The following BRINP1 variants were observed in gnomAD, a reference collection of about 807,000 sequenced individuals.
The protein encoded by BRINP1 is BMP/retinoic acid inducible neural specific 1, also known as BMP/retinoic acid-inducible neural-specific protein 1.
BRINP1 carries 17 observed loss-of-function variants against 72.9 expected under a neutral mutation model. The ratio of observed to expected loss-of-function variants is 0.23; its 90% CI spans 0.16 to 0.35. BRINP1 has a LOEUF of 0.35. BRINP1 is among the 10% of genes least tolerant of loss of function. The pLI is 1.00. For synonymous variants in BRINP1, 418 were observed against 378.5 expected, an observed-to-expected ratio of 1.10 and a Z score of -1.21; for missense variants, 850 against 1,001.6, an observed-to-expected ratio of 0.85 and a Z score of 2.04.
intron 3 of BRINP1, among the ~76,000 whole-genome samples, chr9:119,246,928 C>T (rs1012816802): frequency 6.6e-6 from 1 of 152,196 alleles, no homozygotes; most frequent in Non-Finnish European, 1.5e-5. Flanking sequence ...CAATCCAAAG[C>T]TTTGCATATT....
intron 2 of BRINP1, among the ~76,000 whole-genome samples, chr9:119,291,515 G>A (rs1364523053): frequency 2.6e-5 from 4 of 152,134 alleles, no homozygotes; most frequent in African/African-American, 9.7e-5. Context: ...CTGTCTTCCA[G>A]TAACCACCAC....
intron 7 of BRINP1, among the ~76,000 whole-genome samples, chr9:119,178,298 G>GAGAC (rs1829511766): frequency 1.3e-5 from 2 of 152,192 alleles, no homozygotes; most frequent in South Asian, 4.1e-4. Flanking sequence ...GCCAACTGCA[G>GAGAC]AGACAGTGGG....
Position 119,202,925 on chromosome 9 carries a change from G to A in BRINP1, c.1145+5794C>T, listed in dbSNP as rs1360912087. 2.6e-5 allele frequency among the ~76,000 whole-genome samples: 4 copies of A among 152,078 alleles called. No individual in the cohort carries two copies. The East Asian group carries it at 7.7e-4, about 29-fold the overall frequency. On this transcript the variant is annotated intron_variant, in intron 7 of 7. Transcript: ENST00000265922. The stretch of plus-strand genomic sequence containing the variant: ...CTTTCAGGAAATGTATGCTGAGTTG[G>A]ACTGCACTGAACCAGGCCTCTTCTG...
At chr9:119,221,667 C>T (rs575542903) in intron 5 of BRINP1, among the ~76,000 whole-genome samples, 15 of 152,186 alleles carry the variant, frequency 9.9e-5, no homozygotes, top group African/African-American at 3.4e-4. Context: ...GGAAATGTCC[C>T]CTCCTGGTTA....
At chr9:119,313,503 A>G in intron 1 of BRINP1, 98 bp from the exon 2 acceptor site, 2 of 1,118,966 alleles carry the variant, frequency 1.8e-6, no homozygotes, top group African/African-American at 3.2e-5. Flanking sequence ...ACAGGAAAAG[A>G]AAAAATGTGA....
At chr9:119,187,020 C>T (rs369583058) in intron 7 of BRINP1, among the ~76,000 whole-genome samples, 6 of 152,002 alleles carry the variant, frequency 3.9e-5, no homozygotes, top group South Asian at 2.1e-4. Flanking sequence ...CTCTTCCTTC[C>T]GGGAGCCATA....
chr9:119,246,608 C>T (rs576193066), intron 3 of BRINP1, among the ~76,000 whole-genome samples: 1 of 152,236 alleles, frequency 6.6e-6, no homozygotes, highest in East Asian at 1.9e-4. Flanking sequence ...TGTAGAGAAC[C>T]CTGACTAATA....
chr9:119,246,153 G>T, intron 3 of BRINP1, among the ~76,000 whole-genome samples: 1 of 152,344 alleles, frequency 6.6e-6, no homozygotes, highest in East Asian at 1.9e-4. Flanking sequence ...AGGCTTAGAG[G>T]ATTGAGTTAC....
intron 2 of BRINP1, among the ~76,000 whole-genome samples, chr9:119,305,586 C>A (rs1298610046): frequency 6.6e-6 from 1 of 152,176 alleles, no homozygotes; most frequent in African/African-American, 2.4e-5. Flanking sequence ...TCACTGCATT[C>A]TCATGAATCC....
chr9:119,231,833 A>C (rs905393728), intron 5 of BRINP1, among the ~76,000 whole-genome samples: 2 of 152,016 alleles, frequency 1.3e-5, no homozygotes, highest in African/African-American at 4.8e-5. Context: ...CGCAACTTTT[A>C]ACATTAATTT....
chr9:119,285,106 C>T lies in BRINP1; in HGVS notation c.218+28032G>A, dbSNP rs764833564. ...GCCTGCCACTGAGAAATGCATCGCA[C>T]GGTTCCCAAGGCCTTCTGCTCAGCT... On this transcript the variant is annotated intron_variant, in intron 2 of 7. Transcript: ENST00000265922. 8.6e-5 allele frequency among the ~76,000 whole-genome samples: 13 copies of T among 151,634 alleles called. No individual in the cohort carries two copies. The Middle Eastern group carries it at 0.01, about 119-fold the overall frequency.
chr9:119,226,735 C>T (rs1394341274), intron 5 of BRINP1, among the ~76,000 whole-genome samples: 4 of 151,970 alleles, frequency 2.6e-5, no homozygotes, highest in Non-Finnish European at 5.9e-5. Flanking sequence ...AAATCGGTCA[C>T]ACCTACACAA....
chr9:119,358,681 G>A (rs1327090522), intron 1 of BRINP1, among the ~76,000 whole-genome samples: 1 of 152,114 alleles, frequency 6.6e-6, no homozygotes, highest in East Asian at 1.9e-4. Context: ...GCGACAGAGC[G>A]AGACTCCATC....
intron 1 of BRINP1, among the ~76,000 whole-genome samples, chr9:119,361,624 T>C (rs957386327): frequency 4.0e-5 from 6 of 151,684 alleles, no homozygotes; most frequent in Non-Finnish European, 7.4e-5. Flanking sequence ...CTTCTTCTTT[T>C]TTTTGTTTTT....
intron 2 of BRINP1, among the ~76,000 whole-genome samples, chr9:119,291,560 TTC>T (rs1830821819): frequency 6.6e-6 from 1 of 152,190 alleles, no homozygotes; most frequent in South Asian, 2.1e-4. Flanking sequence ...ATTAGAAACT[TTC>T]TGTTTCCCAG....
intron 7 of BRINP1, among the ~76,000 whole-genome samples, chr9:119,184,773 G>A (rs1415191902): frequency 1.3e-5 from 2 of 152,068 alleles, no homozygotes; most frequent in Non-Finnish European, 2.9e-5. Context: ...GCAGTCACAC[G>A]AGTAGTACCT....
chr9:119,180,105 C>T (rs184665540), intron 7 of BRINP1, among the ~76,000 whole-genome samples: 84 of 152,300 alleles, frequency 5.5e-4, no homozygotes, highest in African/African-American at 2.0e-3. Flanking sequence ...GATGGGAATA[C>T]AGTGTGGGGC....
intron 2 of BRINP1, among the ~76,000 whole-genome samples, chr9:119,251,412 T>C (rs1410661673): frequency 6.6e-6 from 1 of 152,092 alleles, no homozygotes; most frequent in Admixed American, 6.5e-5. Context: ...ACTATAGTTT[T>C]TAAGTTTGCA....
chr9:119,206,234 G>A (rs529114502), intron 7 of BRINP1, among the ~76,000 whole-genome samples: 1 of 151,758 alleles, frequency 6.6e-6, no homozygotes, highest in Non-Finnish European at 1.5e-5. Context: ...TGGCCCATAC[G>A]GCAAAACTCC....
Sources: allele counts gnomAD v4.1 joint callset (sites outside exome capture counted in the v4.1 genomes callset), GRCh38; gene constraint gnomAD v4.1.1; transcripts MANE v1.5; gene names NCBI Gene and HGNC (gene_info 2026-07-23, HGNC 2026-07-21).